The following IPO11 variants were observed in gnomAD, a reference collection of about 807,000 sequenced individuals.
The protein encoded by IPO11 is importin-11.
In IPO11, 66 loss-of-function variants were observed where a neutral mutation model predicts 143.2. The ratio of observed to expected loss-of-function variants is 0.46; its 90% CI spans 0.38 to 0.57. The LOEUF is 0.57. Ranked by LOEUF, IPO11 falls within the 20% of genes least tolerant of loss-of-function variation. The pLI is 0.00. For synonymous variants in IPO11, 385 were observed against 377.8 expected, an observed-to-expected ratio of 1.02 and a Z score of -0.22; for missense variants, 1,026 against 1,141.0, an observed-to-expected ratio of 0.90 and a Z score of 1.45.
chr5:62,537,335 A>C, intron 24 of IPO11, 46 bp downstream of exon 24: 1 of 1,229,374 alleles, frequency 8.1e-7, no homozygotes, highest in Non-Finnish European at 1.2e-6. Flanking sequence ...TTTTTCATTT[A>C]TATTTTATGA....
At chr5:62,625,876 T>G (rs1191094805) in intron 29 of IPO11, among the ~76,000 whole-genome samples, 1 of 152,232 alleles carries the variant, frequency 6.6e-6, no homozygotes, top group Non-Finnish European at 1.5e-5. Context: ...TATACTTTTC[T>G]AATTGCTGAG....
intron 16 of IPO11, among the ~76,000 whole-genome samples, chr5:62,496,641 T>C (rs1323246218): frequency 6.6e-6 from 1 of 152,188 alleles, no homozygotes; most frequent in African/African-American, 2.4e-5. Flanking sequence ...TGGGGAGATA[T>C]CTTATACATG....
chr5:62,546,496 T>C (rs1580309820), intron 24 of IPO11, among the ~76,000 whole-genome samples: 1 of 152,008 alleles, frequency 6.6e-6, no homozygotes, highest in East Asian at 1.9e-4. Context: ...ATACCTAATG[T>C]AAATGACGAG....
intron 29 of IPO11, among the ~76,000 whole-genome samples, chr5:62,622,452 T>G (rs867696949): frequency 1.2e-4 from 18 of 152,216 alleles, no homozygotes; most frequent in African/African-American, 4.3e-4. Flanking sequence ...TGGCCTACCC[T>G]GTACCTAGCA....
chr5:62,474,747 A>G (rs918991185), intron 8 of IPO11, among the ~76,000 whole-genome samples: 5 of 152,156 alleles, frequency 3.3e-5, no homozygotes, highest in African/African-American at 1.2e-4. Context: ...CCCTCCTTGG[A>G]CTACGAACCA....
intron 20 of IPO11, among the ~76,000 whole-genome samples, chr5:62,520,284 C>T (rs1328833272): frequency 1.3e-5 from 2 of 152,148 alleles, no homozygotes; most frequent in Non-Finnish European, 2.9e-5. Context: ...ACTTAGTTGT[C>T]TATGCAGTTG....
In IPO11 at chr5:62,435,090, A is replaced by G. The variant is rs796891236; in HGVS notation, c.-6-2184A>G. ...TATATATGTATATATATGTGTATAT[A>G]TGTATATATGTATATATATGTATAT... On this transcript the variant is annotated intron_variant, in intron 1 of 29. Coordinates refer to ENST00000325324, the MANE Select transcript of IPO11 (RefSeq NM_016338.5). Among the ~76,000 whole-genome samples the G allele has an allele frequency of 1.5e-3, 123 of 82,296 alleles. 7 individuals are homozygous for G. Among genetic ancestry groups the G allele is most frequent in the Non-Finnish European group, 2.4e-3 (100 of 41,816 alleles). 54.0% of individuals were successfully genotyped at this position (82,296 alleles called of 152,430 possible). A position where few individuals can be genotyped will look rare whatever the true frequency, so the allele number is the denominator to read the frequency against.
chr5:62,592,747 G>C (rs1405110659), intron 28 of IPO11, among the ~76,000 whole-genome samples: 1 of 152,070 alleles, frequency 6.6e-6, no homozygotes, highest in Non-Finnish European at 1.5e-5. Flanking sequence ...AAGGAGAAGT[G>C]CTGTGCAAAA....
At chr5:62,435,114 A>ATATATATGTATATG (rs1561308819) in intron 1 of IPO11, among the ~76,000 whole-genome samples, 6 of 102,308 alleles carry the variant, frequency 5.9e-5, no homozygotes, top group Admixed American at 4.5e-4. Flanking sequence ...ATATATGTAT[A>ATATATATGTATATG]TATGTATATA....
At chr5:62,497,804 G>C (rs1741207603) in intron 16 of IPO11, among the ~76,000 whole-genome samples, 2 of 152,078 alleles carry the variant, frequency 1.3e-5, no homozygotes, top group African/African-American at 2.4e-5. Flanking sequence ...TTTTTATTCT[G>C]CCTCGAATTT....
intron 26 of IPO11, among the ~76,000 whole-genome samples, chr5:62,554,294 G>A (rs572408910): frequency 7.9e-5 from 12 of 152,210 alleles, no homozygotes; most frequent in African/African-American, 2.9e-4. Flanking sequence ...AATCCCATTT[G>A]TCTATTTTTC....
In IPO11 at chr5:62,514,426, C is replaced by T. The variant is rs886787248; in HGVS notation, c.1783-962C>T. Among the ~76,000 whole-genome samples, 419 of 151,956 alleles carry T rather than the reference C, an allele frequency of 2.8e-3. 8 individuals carry two copies. Among genetic ancestry groups the T allele is most frequent in the African/African-American group, 9.5e-3 (394 of 41,312 alleles). On this transcript the variant is annotated intron_variant, in intron 19 of 29. Transcript: ENST00000325324. The stretch of plus-strand genomic sequence containing the variant: ...CCAACACAGCGAAACCCCGTCCCCA[C>T]CAAAAAAACACGAAAACCAGTCAGG...
At chr5:62,580,173 CT>C in intron 27 of IPO11, 1 of 1,551,126 alleles carries the variant, frequency 6.4e-7, no homozygotes, top group East Asian at 2.4e-5. Flanking sequence ...CAATACAGCC[CT>C]TTGCATTTAA....
At chr5:62,548,401 G>A (rs1743281035) in intron 24 of IPO11, among the ~76,000 whole-genome samples, 1 of 152,078 alleles carries the variant, frequency 6.6e-6, no homozygotes, top group African/African-American at 2.4e-5. Flanking sequence ...GTTTGTAGCT[G>A]CTGCTGCTTG....
intron 5 of IPO11, among the ~76,000 whole-genome samples, chr5:62,455,008 G>A (rs1366676713): frequency 6.6e-6 from 1 of 152,176 alleles, no homozygotes; most frequent in Non-Finnish European, 1.5e-5. Flanking sequence ...TGGAGATAGG[G>A]ACTAAAGTAG....
chr5:62,451,964 A>G (rs762795240), intron 5 of IPO11, 31 bp downstream of exon 5: 1 of 1,579,050 alleles, frequency 6.3e-7, no homozygotes, highest in South Asian at 1.1e-5. Flanking sequence ...AAATTTGATT[A>G]TGAAAATTGT....
intron 1 of IPO11, among the ~76,000 whole-genome samples, chr5:62,428,080 A>G (rs572342212): frequency 6.6e-6 from 1 of 152,358 alleles, no homozygotes; most frequent in African/African-American, 2.4e-5. Flanking sequence ...TGTAGTACAC[A>G]CTAGTATCTT....
At chr5:62,487,720 A>C (rs758254907) in intron 12 of IPO11, 51 bp from the exon 13 acceptor site, 5 of 1,420,220 alleles carry the variant, frequency 3.5e-6, no homozygotes, top group Non-Finnish European at 4.6e-6. Flanking sequence ...AGAATTAGTC[A>C]ATATAGTATG....
At chr5:62,434,239 A>C (rs1481552205) in intron 1 of IPO11, among the ~76,000 whole-genome samples, 1 of 151,702 alleles carries the variant, frequency 6.6e-6, no homozygotes, top group African/African-American at 2.4e-5. Flanking sequence ...CATAAATGTC[A>C]CTTCTCAGAA....
Sources: allele counts gnomAD v4.1 joint callset (sites outside exome capture counted in the v4.1 genomes callset), GRCh38; gene constraint gnomAD v4.1.1; transcripts MANE v1.5; gene names NCBI Gene and HGNC (gene_info 2026-07-23, HGNC 2026-07-21).